The following ZGPAT variants were observed in gnomAD, a reference collection of about 807,000 sequenced individuals.
ZGPAT encodes the protein zinc finger CCCH-type with G patch domain-containing protein.
Under a neutral mutation model 47.9 loss-of-function variants are expected in ZGPAT, and 39 were observed. The observed-to-expected ratio is 0.81, with a 90% CI of 0.63 to 1.06. The LOEUF (loss-of-function observed/expected upper bound fraction) is 1.06, where lower values mean the gene tolerates loss of function less well. ZGPAT is among the 50% of genes least tolerant of loss of function. The probability of loss-of-function intolerance (pLI) is 0.00; values close to 1 mark genes in which losing one functional copy is unlikely to be tolerated. For missense variants in ZGPAT, 717 were observed against 681.4 expected (o/e 1.05, Z -0.58); for synonymous variants, 348 against 292.9 (o/e 1.19, Z -1.92).
chr20:63,726,393 G>T (rs901989743), intron 2 of ZGPAT, among the ~76,000 whole-genome samples: 5 of 151,866 alleles, frequency 3.3e-5, no homozygotes, highest in Non-Finnish European at 7.4e-5. Flanking sequence ...TAGAGACAGG[G>T]TTTCACCATG....
In ZGPAT at chr20:63,735,917, T is replaced by C. The variant is rs775082825; in HGVS notation, c.1534T>C (p.Ter512GlnextTer39). 1.2e-6 allele frequency: 2 copies of C among 1,611,458 alleles called. No individual in the cohort carries two copies. The highest frequency in any genetic ancestry group is 1.7e-6 in the Non-Finnish European group (2 of 1,179,074). The change falls in exon 7 of 7, where the codon TAG becomes CAG. Residue 512 changes from the stop codon to glutamine, a stop_lost. Transcript: ENST00000355969. ...CACCCACAAGAAGATGACTGAGTTC[T>C]AGAGACCCCACAAGCACTATGGACG... Reference protein sequence around the residue: ...ADTHKKMTEF* With the variant: ...ADTHKKMTEFQ
chr20:63,731,317 C>T (rs563823221), intron 2 of ZGPAT, among the ~76,000 whole-genome samples: 1 of 141,202 alleles, frequency 7.1e-6, no homozygotes, highest in East Asian at 2.2e-4. Context: ...TGTGCATGTG[C>T]ATACATGTGT....
intron 4 of ZGPAT, 169 bp downstream of exon 4, chr20:63,733,908 C>T (rs1194303116): frequency 1.4e-5 from 11 of 813,898 alleles, no homozygotes; most frequent in African/African-American, 5.2e-5. Flanking sequence ...AGATCCGTGG[C>T]GGCCTTTATC....
At chr20:63,714,907 C>T (rs1436600470) in intron 2 of ZGPAT, among the ~76,000 whole-genome samples, 3 of 152,026 alleles carry the variant, frequency 2.0e-5, no homozygotes, top group Non-Finnish European at 4.4e-5. Flanking sequence ...TCCCAAAGTG[C>T]TGAGATTACA....
At chr20:63,728,435 C>G (rs1472025189) in intron 2 of ZGPAT, among the ~76,000 whole-genome samples, 1 of 152,204 alleles carries the variant, frequency 6.6e-6, no homozygotes, top group Non-Finnish European at 1.5e-5. Flanking sequence ...TGCTCAAACA[C>G]TCCTAACCCA....
intron 2 of ZGPAT, among the ~76,000 whole-genome samples, chr20:63,709,985 C>T (rs779094472): frequency 2.0e-5 from 3 of 151,966 alleles, no homozygotes; most frequent in African/African-American, 7.3e-5. Context: ...CTCAGCCTCC[C>T]GAGTAGCTGG....
rs145716255 is a variant in ZGPAT at position 63,733,642 on chromosome 20, C to T, written c.774C>T (p.Ala258=). Reference sequence around the variant, plus strand: ...TTGACTCGCTGCTGCTGAGGGAGGCCGTGGTGGAGGGGGACGGCATCCTGC... The same window carrying T: ...TTGACTCGCTGCTGCTGAGGGAGGCTGTGGTGGAGGGGGACGGCATCCTGC... ...VKFDSLLLRE[A]VVEGDGILPP... The change falls in exon 4 of 7, where the codon GCC becomes GCT. Residue 258 remains alanine, a synonymous_variant. Coordinates refer to ENST00000355969, the MANE Select transcript of ZGPAT (RefSeq NM_181485.3). 8 of 1,613,888 alleles carry T rather than the reference C, an allele frequency of 5.0e-6. No individual in the cohort carries two copies. The highest frequency in any genetic ancestry group is 2.2e-5 in the East Asian group (1 of 44,900).
rs2091584905 is a variant in ZGPAT at position 63,708,067 on chromosome 20, A to G, written c.-80A>G. 1 of 151,974 alleles carries G rather than the reference A, an allele frequency of 6.6e-6. No individual in the cohort carries two copies. The highest frequency in any genetic ancestry group is 1.5e-5 in the Non-Finnish European group (1 of 67,982). The allele number at this position is 151,974 out of a possible 1,614,324, so 9.4% of individuals were successfully genotyped here. A position where few individuals can be genotyped will look rare whatever the true frequency, so the allele number is the denominator to read the frequency against. On this transcript the variant is annotated 5_prime_UTR_variant, in exon 1 of 7. Transcript: ENST00000355969. ...TCCGGAAGCGGCGGCGCTCGGGAGG[A>G]AGTGCCGATCGGCTGCTGGGGCGAA...
chr20:63,720,143 T>TA (rs1036204810), intron 2 of ZGPAT, among the ~76,000 whole-genome samples: 12 of 151,992 alleles, frequency 7.9e-5, no homozygotes, highest in Non-Finnish European at 1.8e-4. Flanking sequence ...TCTTTATTTT[T>TA]AAAAAATTTT....
At chr20:63,735,659 C>A in intron 6 of ZGPAT, 95 bp downstream of exon 6, 5 of 1,499,110 alleles carry the variant, frequency 3.3e-6, no homozygotes, top group Non-Finnish European at 4.5e-6. Context: ...GCATAGCGGG[C>A]TGAGTCCAGG....
chr20:63,710,568 A>G (rs779279395), intron 2 of ZGPAT, among the ~76,000 whole-genome samples: 1 of 152,160 alleles, frequency 6.6e-6, no homozygotes, highest in Non-Finnish European at 1.5e-5. Context: ...CCATCATCCA[A>G]TGTCGTCATT....
chr20:63,728,200 C>T (rs1464671501), intron 2 of ZGPAT, among the ~76,000 whole-genome samples: 1 of 151,982 alleles, frequency 6.6e-6, no homozygotes, highest in Non-Finnish European at 1.5e-5. Flanking sequence ...CCATGCCTGG[C>T]TAATTTTTTG....
At position 63,735,452 on chromosome 20, in the gene ZGPAT, A is replaced by G; in HGVS notation, c.1285A>G (p.Lys429Glu). Residue 429 changes from lysine (K) to glutamate (E), a missense_variant, in exon 6 of 7, where the codon AAG (lysine) becomes GAG (glutamate). Transcript: ENST00000355969. ...RRSKDMYHASKSAKRALSLRL... is the reference protein window; with the variant it reads ...RRSKDMYHASESAKRALSLRL... ...GAGCAAGGACATGTACCATGCCAGC[A>G]AGAGTGCCAAGCGGGCCCTGAGCCT... The G allele has an allele frequency of 6.4e-7, 1 of 1,568,184 alleles. No homozygotes were observed. Among genetic ancestry groups the G allele is most frequent in the Non-Finnish European group, 8.6e-7 (1 of 1,161,142 alleles).
intron 2 of ZGPAT, among the ~76,000 whole-genome samples, chr20:63,713,517 C>T (rs1382563134): frequency 6.6e-6 from 1 of 151,358 alleles, no homozygotes; most frequent in Non-Finnish European, 1.5e-5. Flanking sequence ...AGATGTGAGC[C>T]ACTGTGCCCG....
chr20:63,708,438 T>C, intron 1 of ZGPAT, 115 bp from the exon 2 acceptor site: 1 of 719,820 alleles, frequency 1.4e-6, no homozygotes, highest in Admixed American at 3.1e-5. Context: ...CTGGGAGCTG[T>C]GCCTCTGAGC....
chr20:63,715,173 C>T (rs1404858540), intron 2 of ZGPAT, among the ~76,000 whole-genome samples: 1 of 151,630 alleles, frequency 6.6e-6, no homozygotes, highest in Non-Finnish European at 1.5e-5. Context: ...CTAAAGTGAT[C>T]CTCCTGCCTC....
chr20:63,735,156 C>T lies in ZGPAT; in HGVS notation c.992-3C>T, dbSNP rs769397332. 7 of 1,508,190 alleles carry T rather than the reference C, an allele frequency of 4.6e-6. No homozygotes were observed. The highest frequency in any genetic ancestry group is 1.9e-4 in the Middle Eastern group (1 of 5,364). 93.4% of individuals were successfully genotyped at this position (1,508,190 alleles called of 1,614,324 possible). A position where few individuals can be genotyped will look rare whatever the true frequency, so the allele number is the denominator to read the frequency against. ...CAGCACTGCCATCCCCGTGCCTCCG[C>T]AGGTTTGGGCCGACACGCGGAAGGC... is the stretch of plus-strand genomic sequence containing the variant. On this transcript the variant is annotated splice_polypyrimidine_tract_variant and splice_region_variant and intron_variant, in intron 5 of 6. Transcript: ENST00000355969.
intron 2 of ZGPAT, among the ~76,000 whole-genome samples, chr20:63,731,621 GTGAT>G (rs1244230687): frequency 3.3e-5 from 5 of 151,758 alleles, no homozygotes; most frequent in African/African-American, 1.2e-4. Context: ...TGGTGTGTGT[GTGAT>G]TGTGCATATG....
chr20:63,716,830 C>T (rs967097178), intron 2 of ZGPAT, among the ~76,000 whole-genome samples: 2 of 152,230 alleles, frequency 1.3e-5, no homozygotes, highest in Non-Finnish European at 1.5e-5. Flanking sequence ...TATAGGCGTG[C>T]ACCACCACGC....
Sources: gnomAD v4.1 joint callset for allele counts (sites outside exome capture counted in the v4.1 genomes callset) on GRCh38, gnomAD v4.1.1 for gene constraint, MANE v1.5 for transcripts, NCBI Gene and HGNC (gene_info 2026-07-23, HGNC 2026-07-21) for gene names.